MYO1E: variants seen among roughly 807,000 people sequenced by gnomAD.
MYO1E encodes the protein myosin IE.
MYO1E carries 68 observed loss-of-function variants against 151.1 expected under a neutral mutation model. That is an observed-to-expected ratio of 0.45 (90% confidence interval 0.37 to 0.55). The LOEUF (loss-of-function observed/expected upper bound fraction) is 0.55, where lower values mean the gene tolerates loss of function less well. Ranked by LOEUF, MYO1E falls within the 20% of genes least tolerant of loss-of-function variation. The pLI is 0.00. For missense variants in MYO1E, 1,363 were observed against 1,389.3 expected (o/e 0.98, Z 0.30); for synonymous variants, 601 against 501.7 (o/e 1.20, Z -2.64).
At chr15:59,258,804 C>T (rs2080208835) in intron 3 of MYO1E, among the ~76,000 whole-genome samples, 1 of 151,726 alleles carries the variant, frequency 6.6e-6, no homozygotes, top group Non-Finnish European at 1.5e-5. Context: ...TTCCTGTGAG[C>T]CAAGATCACA....
chr15:59,152,406 G>A (rs1250617747), intron 26 of MYO1E, among the ~76,000 whole-genome samples: 5 of 152,172 alleles, frequency 3.3e-5, no homozygotes, highest in African/African-American at 1.2e-4. Flanking sequence ...GTGGGCTTGA[G>A]AGAGGGGAAG....
At chr15:59,238,512 G>C (rs1222292805) in intron 4 of MYO1E, among the ~76,000 whole-genome samples, 1 of 152,216 alleles carries the variant, frequency 6.6e-6, no homozygotes, top group Non-Finnish European at 1.5e-5. Context: ...TGAAAATAAT[G>C]TATGGGCAAA....
intron 1 of MYO1E, among the ~76,000 whole-genome samples, chr15:59,343,803 C>G (rs751675360): frequency 2.6e-5 from 4 of 152,016 alleles, no homozygotes; most frequent in African/African-American, 4.8e-5. Context: ...CAGACTCTGA[C>G]GCATTCTTCA....
intron 1 of MYO1E, among the ~76,000 whole-genome samples, chr15:59,272,954 G>C (rs1453528492): frequency 5.9e-5 from 9 of 152,308 alleles, no homozygotes; most frequent in Non-Finnish European, 1.2e-4. Flanking sequence ...ATCACACAAA[G>C]GCTATGTCAC....
chr15:59,240,723 A>G (rs542557062), intron 4 of MYO1E, among the ~76,000 whole-genome samples: 15 of 152,334 alleles, frequency 9.8e-5, no homozygotes, highest in African/African-American at 3.4e-4. Flanking sequence ...CTGGCTCTGT[A>G]CCACAGGAAC....
intron 3 of MYO1E, among the ~76,000 whole-genome samples, chr15:59,260,632 T>A (rs1267716029): frequency 1.3e-5 from 2 of 152,148 alleles, no homozygotes; most frequent in South Asian, 4.1e-4. Context: ...ACAACTGAAA[T>A]GGCTATGGAG....
chr15:59,272,496 G>A (rs1376955211), intron 1 of MYO1E, 47 bp from the exon 2 acceptor site: 1 of 1,597,152 alleles, frequency 6.3e-7, no homozygotes, highest in Non-Finnish European at 8.6e-7. Context: ...GTTTTCCCCT[G>A]TAGTAACAAA....
chr15:59,332,888 T>C (rs2080706399), intron 1 of MYO1E, among the ~76,000 whole-genome samples: 1 of 152,086 alleles, frequency 6.6e-6, no homozygotes, highest in South Asian at 2.1e-4. Context: ...ATGCAGCCAA[T>C]TTCTTTGTCA....
At chr15:59,180,119 A>T (rs1212952374) in intron 18 of MYO1E, among the ~76,000 whole-genome samples, 1 of 147,078 alleles carries the variant, frequency 6.8e-6, no homozygotes, top group Admixed American at 6.8e-5. Context: ...TGATAATATC[A>T]TAAACTTCCT....
In MYO1E at chr15:59,186,405, T is replaced by G; in HGVS notation, c.1904+1713A>C. On this transcript the variant is annotated intron_variant, in intron 18 of 27. Coordinates refer to ENST00000288235, the MANE Select transcript of MYO1E (RefSeq NM_004998.4). ...CTTCAGTTATATACAATCTGAATTT[T>G]AAAAAAAAAAACATTATATCCAGCC... Among the ~76,000 whole-genome samples, 5 of 142,196 alleles carry G rather than the reference T, an allele frequency of 3.5e-5. No homozygotes were observed. In the Middle Eastern group the frequency reaches 0.014, roughly 401 times the overall value. 93.3% of individuals were successfully genotyped at this position (142,196 alleles called of 152,430 possible).
At chr15:59,231,406 G>T (rs2080027211) in intron 6 of MYO1E, among the ~76,000 whole-genome samples, 1 of 152,044 alleles carries the variant, frequency 6.6e-6, no homozygotes, top group African/African-American at 2.4e-5. Flanking sequence ...TTTTCTCTAG[G>T]GCATAAAGAC....
chr15:59,189,777 A>T (rs2079722047), intron 17 of MYO1E, among the ~76,000 whole-genome samples: 1 of 152,188 alleles, frequency 6.6e-6, no homozygotes, highest in East Asian at 1.9e-4. Flanking sequence ...GGGTTTCGCC[A>T]TGTTGGCCAG....
chr15:59,323,168 C>CAAAAAA (rs10569332), intron 1 of MYO1E, among the ~76,000 whole-genome samples: 38 of 63,626 alleles, frequency 6.0e-4, no homozygotes, highest in Admixed American at 1.3e-3. Context: ...GACCCCATCA[C>CAAAAAA]AAAAAAAAAA....
At chr15:59,273,774 C>G (rs1190256194) in intron 1 of MYO1E, among the ~76,000 whole-genome samples, 1 of 152,202 alleles carries the variant, frequency 6.6e-6, no homozygotes, top group African/African-American at 2.4e-5. Context: ...AAGATCCTCC[C>G]TTACCTTCAA....
At chr15:59,297,300 C>G (rs951831124) in intron 1 of MYO1E, among the ~76,000 whole-genome samples, 2 of 150,410 alleles carry the variant, frequency 1.3e-5, no homozygotes, top group African/African-American at 4.9e-5. Flanking sequence ...GAGACAGGGT[C>G]TTACTCTGTC....
intron 18 of MYO1E, among the ~76,000 whole-genome samples, chr15:59,180,915 A>G (rs368254808): frequency 7.9e-5 from 12 of 152,274 alleles, no homozygotes; most frequent in East Asian, 5.8e-4. Flanking sequence ...AAATATGCTA[A>G]TATTTCCTCT....
chr15:59,330,007 T>C (rs183570512), intron 1 of MYO1E, among the ~76,000 whole-genome samples: 94 of 152,356 alleles, frequency 6.2e-4, no homozygotes, highest in African/African-American at 2.2e-3. Context: ...CGCTGATGCT[T>C]TATTTTTTAA....
chr15:59,192,642 G>A (rs2079741069), intron 17 of MYO1E, among the ~76,000 whole-genome samples: 1 of 152,188 alleles, frequency 6.6e-6, no homozygotes, highest in Non-Finnish European at 1.5e-5. Context: ...CAAGTGAGAT[G>A]TTTTCATTTA....
At chr15:59,272,609 C>A (rs1027787744) in intron 1 of MYO1E, among the ~76,000 whole-genome samples, 160 bp from the exon 2 acceptor site, 10 of 152,222 alleles carry the variant, frequency 6.6e-5, no homozygotes, top group African/African-American at 2.2e-4. Context: ...ATTCAAGTTC[C>A]AGCTTTGCTA....
Sources: gnomAD v4.1 joint callset for allele counts (sites outside exome capture counted in the v4.1 genomes callset) on GRCh38, gnomAD v4.1.1 for gene constraint, MANE v1.5 for transcripts, NCBI Gene and HGNC (gene_info 2026-07-23, HGNC 2026-07-21) for gene names.